The following ZNF354B variants were observed in gnomAD, a reference collection of about 807,000 sequenced individuals.
The protein encoded by ZNF354B is zinc finger protein 354B.
Under a neutral mutation model 12.9 loss-of-function variants are expected in ZNF354B, and 10 were observed. The ratio of observed to expected loss-of-function variants is 0.77; its 90% CI spans 0.48 to 1.31. The LOEUF (loss-of-function observed/expected upper bound fraction) is 1.31. ZNF354B is among the 40% of genes most tolerant of loss of function. The pLI is 0.00. For missense variants in ZNF354B, 614 were observed against 711.7 expected (o/e 0.86, Z 1.56); for synonymous variants, 260 against 243.7 (o/e 1.07, Z -0.62).
At chr5:178,877,482 T>C (rs1757655433) in intron 4 of ZNF354B, among the ~76,000 whole-genome samples, 1 of 152,164 alleles carries the variant, frequency 6.6e-6, no homozygotes, top group African/African-American at 2.4e-5. Flanking sequence ...TTATCCTTAA[T>C]GTCTGATTCC....
At chr5:178,873,366 C>G (rs1242892737) in intron 4 of ZNF354B, among the ~76,000 whole-genome samples, 1 of 152,134 alleles carries the variant, frequency 6.6e-6, no homozygotes, top group South Asian at 2.1e-4. Context: ...AGAATTCTGC[C>G]TGTACTTAGA....
intron 4 of ZNF354B, among the ~76,000 whole-genome samples, chr5:178,875,961 G>A (rs1278174805): frequency 6.6e-6 from 1 of 151,908 alleles, no homozygotes; most frequent in Non-Finnish European, 1.5e-5. Flanking sequence ...CCAAAGCCAG[G>A]GTCCCTGCCT....
intron 2 of ZNF354B, among the ~76,000 whole-genome samples, chr5:178,864,332 C>G (rs185107030): frequency 2.0e-5 from 3 of 152,126 alleles, no homozygotes; most frequent in Non-Finnish European, 1.5e-5. Context: ...GTATTCAGTA[C>G]GGTAACATGC....
At chr5:178,865,502 T>C (rs2114008729) in intron 2 of ZNF354B, among the ~76,000 whole-genome samples, 1 of 152,122 alleles carries the variant, frequency 6.6e-6, no homozygotes, top group South Asian at 2.1e-4. Flanking sequence ...CTCTTGACCT[T>C]GTGATCCAGC....
intron 2 of ZNF354B, among the ~76,000 whole-genome samples, chr5:178,863,732 A>C (rs1295494798): frequency 6.6e-6 from 1 of 152,206 alleles, no homozygotes; most frequent in Non-Finnish European, 1.5e-5. Flanking sequence ...TGACAGCTGC[A>C]TGTGTGTCAT....
At chr5:178,880,476 G>C (rs1757701240) in intron 4 of ZNF354B, among the ~76,000 whole-genome samples, 1 of 150,754 alleles carries the variant, frequency 6.6e-6, no homozygotes, top group South Asian at 2.1e-4. Context: ...GGGATTACAG[G>C]TGTGAGCCAC....
intron 2 of ZNF354B, among the ~76,000 whole-genome samples, chr5:178,864,843 G>A (rs1236906696): frequency 6.6e-6 from 1 of 151,920 alleles, no homozygotes; most frequent in Non-Finnish European, 1.5e-5. Context: ...GGCTGGTCTC[G>A]AACTCCTGAG....
chr5:178,874,389 AT>A (rs1242115332), intron 4 of ZNF354B, among the ~76,000 whole-genome samples: 1 of 152,004 alleles, frequency 6.6e-6, no homozygotes, highest in Admixed American at 6.5e-5. Flanking sequence ...TGAGTCGTAG[AT>A]TTTGTCTCTT....
intron 4 of ZNF354B, among the ~76,000 whole-genome samples, chr5:178,869,418 C>T (rs1450519668): frequency 6.6e-6 from 1 of 152,058 alleles, no homozygotes; most frequent in East Asian, 1.9e-4. Flanking sequence ...ATTTAATGAA[C>T]TGCCAGAGAC....
chr5:178,881,267 A>G (rs1757712860), intron 4 of ZNF354B, among the ~76,000 whole-genome samples: 1 of 151,448 alleles, frequency 6.6e-6, no homozygotes, highest in Non-Finnish European at 1.5e-5. Flanking sequence ...TGTGAGGGGC[A>G]GGTGCTATGA....
Position 178,883,655 on chromosome 5 carries a change from A to T in ZNF354B, c.1203A>T (p.Glu401Asp), listed in dbSNP as rs1173807563. Residue 401 changes from glutamate (E) to aspartate (D), a missense_variant, in exon 5 of 5, where the codon GAA (glutamate) becomes GAT (aspartate). Glu to Asp is a conservative substitution (Grantham distance 45). Coordinates refer to ENST00000322434, the MANE Select transcript of ZNF354B (RefSeq NM_058230.3). The stretch of plus-strand genomic sequence containing the variant: ...AGAGTGCCTCTCTTATTCAACATGA[A>T]AGAATTCACACCGGAGAAAAGCCCT... Reference protein sequence around the residue: ...FSQSASLIQHERIHTGEKPYR... With the variant: ...FSQSASLIQHDRIHTGEKPYR... 6.2e-7 allele frequency: 1 copy of T among 1,614,040 alleles called. No individual in the cohort carries two copies. Among genetic ancestry groups the T allele is most frequent in the Admixed American group, 1.7e-5 (1 of 60,016 alleles).
intron 4 of ZNF354B, among the ~76,000 whole-genome samples, chr5:178,872,501 C>T (rs894153141): frequency 6.6e-6 from 1 of 152,040 alleles, no homozygotes; most frequent in African/African-American, 2.4e-5. Context: ...TGATAAATGC[C>T]CAGGAGTGGA....
chr5:178,871,384 TCC>T (rs1198350423), intron 4 of ZNF354B, among the ~76,000 whole-genome samples: 2 of 152,212 alleles, frequency 1.3e-5, no homozygotes, highest in Non-Finnish European at 2.9e-5. Flanking sequence ...CTCACTCACT[TCC>T]TTGTGCTGCA....
Position 178,884,388 on chromosome 5 carries a change from A to T in ZNF354B, c.*97A>T. 10 of 1,300,084 alleles carry T rather than the reference A, an allele frequency of 7.7e-6. No homozygotes were observed. Among genetic ancestry groups the T allele is most frequent in the Admixed American group, 2.7e-5 (1 of 36,656 alleles). The allele number at this position is 1,300,084 out of a possible 1,614,324, so 80.5% of individuals were successfully genotyped here. On this transcript the variant is annotated 3_prime_UTR_variant, in exon 5 of 5. Transcript: ENST00000322434. ...AACTCTTAGTTCTCATCAGATACTA[A>T]GTTTTAAGAATAAACTTTAGCTATG...
At chr5:178,870,218 C>G (rs1757540231) in intron 4 of ZNF354B, among the ~76,000 whole-genome samples, 2 of 152,102 alleles carry the variant, frequency 1.3e-5, no homozygotes, top group African/African-American at 2.4e-5. Flanking sequence ...GATAGAAAAA[C>G]TTATGCTCCC....
intron 4 of ZNF354B, among the ~76,000 whole-genome samples, chr5:178,881,040 C>T (rs573213648): frequency 1.2e-3 from 176 of 151,662 alleles, no homozygotes; most frequent in Non-Finnish European, 2.1e-3. Context: ...GACAGGGTTT[C>T]GCCATGTTGG....
chr5:178,880,748 C>A (rs1315446424), intron 4 of ZNF354B, among the ~76,000 whole-genome samples: 1 of 151,774 alleles, frequency 6.6e-6, no homozygotes, highest in Non-Finnish European at 1.5e-5. Context: ...TCTTGGCCTC[C>A]CAAATTGCTG....
At chr5:178,870,310 C>CT (rs1757541694) in intron 4 of ZNF354B, among the ~76,000 whole-genome samples, 2 of 152,316 alleles carry the variant, frequency 1.3e-5, no homozygotes, top group African/African-American at 4.8e-5. Flanking sequence ...GACTCTTGCT[C>CT]TGTTGCCCAG....
chr5:178,878,981 G>A (rs1007501414), intron 4 of ZNF354B, among the ~76,000 whole-genome samples: 1 of 151,926 alleles, frequency 6.6e-6, no homozygotes, highest in Non-Finnish European at 1.5e-5. Context: ...GATTACGGGT[G>A]TGAGCCACCA....
Sources: allele counts gnomAD v4.1 joint callset (sites outside exome capture counted in the v4.1 genomes callset), GRCh38; gene constraint gnomAD v4.1.1; transcripts MANE v1.5; gene names NCBI Gene and HGNC (gene_info 2026-07-23, HGNC 2026-07-21).